CSPP1: variants seen among roughly 807,000 people sequenced by gnomAD.
CSPP1 encodes centrosome and spindle pole associated protein 1.
CSPP1 carries 126 observed loss-of-function variants against 164.4 expected under a neutral mutation model. The ratio of observed to expected loss-of-function variants is 0.77; its 90% CI spans 0.66 to 0.89. The LOEUF (loss-of-function observed/expected upper bound fraction) is 0.89, where lower values mean the gene tolerates loss of function less well. Ranked by LOEUF, CSPP1 falls within the 40% of genes least tolerant of loss-of-function variation. The pLI is 0.00. For missense variants in CSPP1, 1,395 were observed against 1,449.8 expected, an observed-to-expected ratio of 0.96 and a Z score of 0.61; for synonymous variants, 472 against 476.7, an observed-to-expected ratio of 0.99 and a Z score of 0.13.
At position 67,128,539 on chromosome 8, in the gene CSPP1, C is replaced by CA. The variant is rs111984957; in HGVS notation, c.1698-3396dup. 8.3e-3 allele frequency among the ~76,000 whole-genome samples: 616 copies of CA among 73,810 alleles called. 1 individual carries two copies. Among genetic ancestry groups the CA allele is most frequent in the African/African-American group, 0.012 (293 of 25,322 alleles). The allele number at this position is 73,810 out of a possible 152,430, so 48.4% of individuals were successfully genotyped here. On this transcript the variant is annotated intron_variant, in intron 15 of 30. Coordinates refer to ENST00000678616, the MANE Select transcript of CSPP1 (RefSeq NM_001382391.1). ...GGGCGACTAGAGTGAGACTCCATCT[C>CA]AAAAAAAAAAAAAAAAGCTTCTTGG...
chr8:67,098,292 CT>C (rs201067321), intron 7 of CSPP1, among the ~76,000 whole-genome samples: 340 of 133,980 alleles, frequency 2.5e-3, no homozygotes, highest in South Asian at 3.8e-3. Context: ...TTTCTTTGGT[CT>C]TTTTTTTTTT....
chr8:67,077,053 A>G (rs963802073), intron 3 of CSPP1, among the ~76,000 whole-genome samples: 1 of 152,324 alleles, frequency 6.6e-6, no homozygotes, highest in Non-Finnish European at 1.5e-5. Flanking sequence ...TGATTATGGT[A>G]TGGTATGAAA....
intron 28 of CSPP1, among the ~76,000 whole-genome samples, chr8:67,184,569 A>G (rs1168868607): frequency 6.6e-6 from 1 of 151,220 alleles, no homozygotes; most frequent in Non-Finnish European, 1.5e-5. Context: ...TACTAAAAAT[A>G]TAAAGATTAG....
rs757322145 is a variant in CSPP1, at chr8:67,164,394, A to AG, written c.2715dup (p.Lys906GlufsTer17). 1 of 1,497,510 alleles carries AG rather than the reference A, an allele frequency of 6.7e-7. No individual in the cohort carries two copies. Among genetic ancestry groups the AG allele is most frequent in the Non-Finnish European group, 9.3e-7 (1 of 1,075,298 alleles). The allele number at this position is 1,497,510 out of a possible 1,614,324, so 92.8% of individuals were successfully genotyped here. A position where few individuals can be genotyped will look rare whatever the true frequency, so the allele number is the denominator to read the frequency against. On this transcript the variant is annotated frameshift_variant, in exon 24 of 31. Transcript: ENST00000678616. LOFTEE classifies it high-confidence loss of function. ...ACTTATCAATGGGAATTTGCAGAGG[A>AG]GAAAAAAAATGTAATTATGGAATTA... is the stretch of plus-strand genomic sequence containing the variant.
chr8:67,106,628 T>G (rs1443630316), intron 9 of CSPP1, among the ~76,000 whole-genome samples: 1 of 152,204 alleles, frequency 6.6e-6, no homozygotes, highest in Non-Finnish European at 1.5e-5. Flanking sequence ...TAAGCTTGTT[T>G]TGCTATATTA....
chr8:67,071,726 T>G (rs1227385106), intron 1 of CSPP1, among the ~76,000 whole-genome samples: 1 of 152,194 alleles, frequency 6.6e-6, no homozygotes, highest in African/African-American at 2.4e-5. Context: ...TTCTTTTTTG[T>G]CTACGTACCC....
At position 67,095,595 on chromosome 8, in the gene CSPP1, AT is replaced by A. The variant is rs1374819257; in HGVS notation, c.789del (p.Phe263LeufsTer20). On this transcript the variant is annotated frameshift_variant, in exon 7 of 31. Coordinates refer to ENST00000678616, the MANE Select transcript of CSPP1 (RefSeq NM_001382391.1). LOFTEE classifies it high-confidence loss of function. ...AGIPDRRFHR[F>X]NEDRVFDRRY... is the part of the protein sequence containing the mutation. The stretch of plus-strand genomic sequence containing the variant: ...GCATTCCAGATAGAAGATTTCACAG[AT>A]TTAATGAGGATCGTGTTTTTGATAG... The A allele has an allele frequency of 6.2e-7, 1 of 1,614,078 alleles. No individual in the cohort carries two copies. Among genetic ancestry groups the A allele is most frequent in the Non-Finnish European group, 8.5e-7 (1 of 1,180,002 alleles).
At position 67,161,862 on chromosome 8, in the gene CSPP1, A is replaced by G; in HGVS notation, c.2590A>G (p.Ser864Gly). 7 of 1,613,864 alleles carry G rather than the reference A, an allele frequency of 4.3e-6. No individual in the cohort carries two copies. The highest frequency in any genetic ancestry group is 5.9e-6 in the Non-Finnish European group (7 of 1,179,926). ...IVPALQNKIA[S>G]KLQRPPSVDS... is the part of the protein sequence containing the mutation. Reference sequence around the variant, plus strand: ...TCCTGCTCTTCAGAACAAAATTGCAAGCAAACTCCAAAGACCTCCTTCAGT... The same window carrying G: ...TCCTGCTCTTCAGAACAAAATTGCAGGCAAACTCCAAAGACCTCCTTCAGT... Residue 864 changes from serine to glycine, a missense_variant, in exon 22 of 31, where the codon AGC becomes GGC. Ser to Gly is a moderately conservative substitution (Grantham distance 56). Coordinates refer to ENST00000678616, the MANE Select transcript of CSPP1 (RefSeq NM_001382391.1).
intron 2 of CSPP1, 60 bp downstream of exon 2, chr8:67,074,411 T>C: frequency 1.0e-6 from 1 of 998,602 alleles, no homozygotes; most frequent in Non-Finnish European, 1.5e-6. Flanking sequence ...AGATTACTCC[T>C]GTGTAAATAC....
Position 67,190,693 on chromosome 8 carries a change from C to T in CSPP1, c.3264C>T (p.Leu1088=). 1 of 1,614,098 alleles carries T rather than the reference C, an allele frequency of 6.2e-7. No individual in the cohort carries two copies. Among genetic ancestry groups the T allele is most frequent in the Non-Finnish European group, 8.5e-7 (1 of 1,179,978 alleles). ...ETYPAIEDDV[L]PPPSQLPSAR... is the part of the protein sequence containing the mutation. ...ATCCTGCCATTGAAGATGACGTCCT[C>T]CCTCCACCATCACAGTTGCCCTCTG... Residue 1088 remains leucine, a synonymous_variant, in exon 29 of 31, where the codon CTC becomes CTT. Coordinates refer to ENST00000678616, the MANE Select transcript of CSPP1 (RefSeq NM_001382391.1).
At chr8:67,083,548 A>AAAAAAAAAAAATAT (rs1332248754) in intron 3 of CSPP1, 2 of 91,502 alleles carry the variant, frequency 2.2e-5, no homozygotes, top group South Asian at 3.6e-4. Flanking sequence ...AAAAAAAAAA[A>AAAAAAAAAAAATAT]ATATATATAT....
rs2129545471 is a variant in CSPP1 at position 67,095,403 on chromosome 8, T to G, written c.594T>G (p.Thr198=). The change falls in exon 7 of 31, where the codon ACT becomes ACG. Residue 198 remains threonine (T), a synonymous_variant. Transcript: ENST00000678616. ...AGGGTCCTAGAAAAGATGTCTTAACTCCTTCAGAGGCATATGAAGAACTTC... is the reference window on the plus strand; with the variant it reads ...AGGGTCCTAGAAAAGATGTCTTAACGCCTTCAGAGGCATATGAAGAACTTC... The part of the protein sequence containing the change: ...NSEGPRKDVL[T]PSEAYEELLN... 6.2e-7 allele frequency: 1 copy of G among 1,613,056 alleles called. No homozygotes were observed. The highest frequency in any genetic ancestry group is 1.3e-5 in the African/African-American group (1 of 74,836).
chr8:67,154,343 A>C (rs1826272345), intron 19 of CSPP1, among the ~76,000 whole-genome samples: 1 of 152,026 alleles, frequency 6.6e-6, no homozygotes, highest in African/African-American at 2.4e-5. Flanking sequence ...AGTTGACTTA[A>C]TCTTTTATTT....
chr8:67,085,466 TA>T (rs930462664), intron 3 of CSPP1, among the ~76,000 whole-genome samples: 3 of 151,826 alleles, frequency 2.0e-5, no homozygotes, highest in East Asian at 3.8e-4. Context: ...TCTTGTATGC[TA>T]AAAAAAATCA....
At chr8:67,179,084 A>G (rs1832370466) in intron 27 of CSPP1, among the ~76,000 whole-genome samples, 1 of 152,186 alleles carries the variant, frequency 6.6e-6, no homozygotes. Flanking sequence ...GGAGTGTCCT[A>G]CTGAAGCCCA....
chr8:67,120,271 G>A (rs577618625), intron 15 of CSPP1, among the ~76,000 whole-genome samples: 17 of 152,182 alleles, frequency 1.1e-4, no homozygotes, highest in African/African-American at 3.1e-4. Context: ...GATTACTGTT[G>A]CTTTGAATGT....
At chr8:67,149,520 T>C (rs570543306) in intron 17 of CSPP1, among the ~76,000 whole-genome samples, 2 of 152,340 alleles carry the variant, frequency 1.3e-5, no homozygotes, top group Non-Finnish European at 2.9e-5. Context: ...TAGATACTGT[T>C]AATATGGTTT....
intron 15 of CSPP1, among the ~76,000 whole-genome samples, chr8:67,129,659 C>T (rs936824570): frequency 3.3e-5 from 5 of 152,044 alleles, no homozygotes; most frequent in African/African-American, 7.2e-5. Flanking sequence ...TATATTCATG[C>T]GATGAAGTAC....
At chr8:67,085,218 G>A (rs1044583303) in intron 3 of CSPP1, among the ~76,000 whole-genome samples, 4 of 151,980 alleles carry the variant, frequency 2.6e-5, no homozygotes, top group African/African-American at 9.7e-5. Context: ...CCACTGAATT[G>A]AATGCTTAAA....
Sources: gnomAD v4.1 joint callset for allele counts (sites outside exome capture counted in the v4.1 genomes callset) on GRCh38, gnomAD v4.1.1 for gene constraint, MANE v1.5 for transcripts, NCBI Gene and HGNC (gene_info 2026-07-23, HGNC 2026-07-21) for gene names.